Variants in NRG3 observed in about 807,000 individuals in gnomAD.
NRG3 encodes pro-neuregulin-3, membrane-bound isoform.
In NRG3, 31 loss-of-function variants were observed where a neutral mutation model predicts 66.9. The observed-to-expected ratio is 0.46, with a 90% CI of 0.35 to 0.63. The LOEUF is 0.63. Among genes scored for constraint, NRG3 ranks in the 20% least tolerant of loss-of-function variants. The probability of loss-of-function intolerance (pLI) is 0.00; values close to 1 mark genes in which losing one functional copy is unlikely to be tolerated. For missense variants in NRG3, 910 were observed against 878.9 expected, an observed-to-expected ratio of 1.04 and a Z score of -0.45; for synonymous variants, 393 against 359.4, an observed-to-expected ratio of 1.09 and a Z score of -1.06.
At chr10:82,526,398 T>C (rs978083287) in intron 2 of NRG3, among the ~76,000 whole-genome samples, 2 of 151,682 alleles carry the variant, frequency 1.3e-5, no homozygotes, top group Non-Finnish European at 3.0e-5. Flanking sequence ...TGAAATGTAT[T>C]TACAATGAAA....
chr10:82,074,875 T>C (rs1455613400), intron 1 of NRG3, among the ~76,000 whole-genome samples: 1 of 152,162 alleles, frequency 6.6e-6, no homozygotes, highest in Non-Finnish European at 1.5e-5. Flanking sequence ...AAAATGTTCA[T>C]AAATTCAGCC....
chr10:82,270,953 CCTT>C (rs1230313932), intron 1 of NRG3, among the ~76,000 whole-genome samples: 1 of 152,058 alleles, frequency 6.6e-6, no homozygotes, highest in African/African-American at 2.4e-5. Context: ...GCTAATTTTC[CCTT>C]CTTCATTCCA....
intron 4 of NRG3, 104 bp downstream of exon 4, chr10:82,865,541 A>G (rs1424002650): frequency 2.0e-5 from 23 of 1,168,108 alleles, no homozygotes; most frequent in Non-Finnish European, 2.8e-5. Context: ...ATGTCTCATT[A>G]TCAGATGCTA....
chr10:82,669,844 C>T (rs1015211349), intron 2 of NRG3, among the ~76,000 whole-genome samples: 2 of 151,390 alleles, frequency 1.3e-5, no homozygotes, highest in African/African-American at 4.9e-5. Flanking sequence ...AGGAGAATGG[C>T]GTGAACCCGG....
chr10:82,108,467 A>T (rs1377457696), intron 1 of NRG3, among the ~76,000 whole-genome samples: 3 of 152,160 alleles, frequency 2.0e-5, no homozygotes, highest in African/African-American at 7.2e-5. Context: ...TGTCACCAGG[A>T]TGCATGGATG....
At chr10:81,883,518 A>T (rs1048291897) in intron 1 of NRG3, among the ~76,000 whole-genome samples, 4 of 152,178 alleles carry the variant, frequency 2.6e-5, no homozygotes, top group African/African-American at 4.8e-5. Context: ...TTTGTCTTTG[A>T]GGCCTTTTCC....
At chr10:82,761,897 T>C (rs938380042) in intron 3 of NRG3, among the ~76,000 whole-genome samples, 3 of 150,702 alleles carry the variant, frequency 2.0e-5, no homozygotes, top group African/African-American at 7.4e-5. Flanking sequence ...CTTTCTTCCT[T>C]CCGTTCTTTC....
At chr10:82,450,802 A>C (rs1315178319) in intron 2 of NRG3, among the ~76,000 whole-genome samples, 1 of 152,190 alleles carries the variant, frequency 6.6e-6, no homozygotes, top group East Asian at 1.9e-4. Flanking sequence ...TCCAACAAAA[A>C]TTTCCATGTA....
intron 3 of NRG3, among the ~76,000 whole-genome samples, chr10:82,848,263 A>G (rs909693557): frequency 1.3e-5 from 2 of 152,192 alleles, no homozygotes; most frequent in Non-Finnish European, 2.9e-5. Flanking sequence ...GTCCTGCCCA[A>G]GACTATAGGA....
At chr10:82,396,801 CTG>C (rs138252090) in intron 2 of NRG3, among the ~76,000 whole-genome samples, 4 of 150,876 alleles carry the variant, frequency 2.7e-5, no homozygotes, top group Middle Eastern at 3.4e-3. Flanking sequence ...CTCTCTCACT[CTG>C]TGTGTGTGTG....
intron 1 of NRG3, among the ~76,000 whole-genome samples, chr10:82,115,691 A>G (rs540065342): frequency 6.6e-6 from 1 of 152,260 alleles, no homozygotes; most frequent in African/African-American, 2.4e-5. Context: ...AAAGGGAAAA[A>G]TGGGCATTTA....
intron 1 of NRG3, among the ~76,000 whole-genome samples, chr10:82,354,014 CTTTTT>C (rs869307444): frequency 8.9e-6 from 1 of 112,628 alleles, no homozygotes; most frequent in Non-Finnish European, 1.7e-5. Context: ...CACTATAACA[CTTTTT>C]TTTTTTTTTT....
At chr10:82,477,879 C>T (rs952028078) in intron 2 of NRG3, among the ~76,000 whole-genome samples, 17 of 152,114 alleles carry the variant, frequency 1.1e-4, no homozygotes, top group South Asian at 2.1e-4. Context: ...GCCAAGACTC[C>T]GGGAGAGTCT....
chr10:82,105,075 T>C (rs911177692), intron 1 of NRG3, among the ~76,000 whole-genome samples: 13 of 152,170 alleles, frequency 8.5e-5, no homozygotes, highest in Non-Finnish European at 1.6e-4. Context: ...TTTAGGAATA[T>C]ACAATATTTT....
At chr10:82,751,718 A>G (rs961353975) in intron 3 of NRG3, among the ~76,000 whole-genome samples, 2 of 152,186 alleles carry the variant, frequency 1.3e-5, no homozygotes, top group Admixed American at 1.3e-4. Flanking sequence ...GAAACCCTAG[A>G]TGAAGAACAT....
intron 1 of NRG3, among the ~76,000 whole-genome samples, chr10:81,997,525 C>G (rs2060986384): frequency 6.6e-6 from 1 of 151,992 alleles, no homozygotes; most frequent in Non-Finnish European, 1.5e-5. Flanking sequence ...AAATGTGAAG[C>G]CTCAGCTATG....
At chr10:82,607,787 T>C (rs868724375) in intron 2 of NRG3, among the ~76,000 whole-genome samples, 7 of 152,092 alleles carry the variant, frequency 4.6e-5, no homozygotes, top group Non-Finnish European at 7.4e-5. Context: ...GTTTGCAATA[T>C]ACATTTATAA....
chr10:82,211,286 T>A (rs1355848981), intron 1 of NRG3, among the ~76,000 whole-genome samples: 1 of 152,194 alleles, frequency 6.6e-6, no homozygotes, highest in Non-Finnish European at 1.5e-5. Flanking sequence ...CTTTAGGGAT[T>A]TCCACTCAGA....
rs148301599 is a variant in NRG3 at position 82,954,853 on chromosome 10, A to G, written c.1157+3282A>G. Among the ~76,000 whole-genome samples the G allele has an allele frequency of 2.0e-3, 300 of 151,650 alleles. 2 individuals are homozygous for G. Among genetic ancestry groups the G allele is most frequent in the Middle Eastern group, 0.017 (5 of 294 alleles). On this transcript the variant is annotated intron_variant, in intron 5 of 8. Transcript: ENST00000372141. Reference sequence around the variant, plus strand: ...GTGAATTCGTGGATTTCCTTTTCCAAAACCTTGGGGAGAACAGAATATCCA... The same window carrying G: ...GTGAATTCGTGGATTTCCTTTTCCAGAACCTTGGGGAGAACAGAATATCCA...
Sources: allele counts gnomAD v4.1 joint callset (sites outside exome capture counted in the v4.1 genomes callset), GRCh38; gene constraint gnomAD v4.1.1; transcripts MANE v1.5; gene names NCBI Gene and HGNC (gene_info 2026-07-23, HGNC 2026-07-21).